The following SESN3 variants were observed in gnomAD, a reference collection of about 807,000 sequenced individuals.
SESN3 encodes sestrin 3, also known as sestrin-3.
In SESN3, 21 loss-of-function variants were observed where a neutral mutation model predicts 55.3. The observed-to-expected ratio is 0.38, with a 90% confidence interval of 0.27 to 0.55. The LOEUF is 0.55. Among genes scored for constraint, SESN3 ranks in the 20% least tolerant of loss-of-function variants. The probability of loss-of-function intolerance (pLI) is 0.76; values close to 1 mark genes in which losing one functional copy is unlikely to be tolerated. For missense variants in SESN3, 408 were observed against 604.3 expected (o/e 0.68, Z 3.41); for synonymous variants, 181 against 203.1 (o/e 0.89, Z 0.93).
chr11:95,197,430 G>A (rs1860380964), intron 1 of SESN3, among the ~76,000 whole-genome samples: 1 of 148,670 alleles, frequency 6.7e-6, no homozygotes, highest in South Asian at 2.1e-4. Flanking sequence ...TTCTTTTTGG[G>A]CTTCCTTTTC....
chr11:95,193,357 C>T (rs1267277176), intron 2 of SESN3, 100 bp downstream of exon 2: 2 of 737,616 alleles, frequency 2.7e-6, no homozygotes, highest in Non-Finnish European at 4.6e-6. Flanking sequence ...AACTCAAAAG[C>T]AAAATTCATT....
chr11:95,198,923 AT>A (rs1860413050), intron 1 of SESN3, among the ~76,000 whole-genome samples: 2 of 81,218 alleles, frequency 2.5e-5, no homozygotes, highest in Non-Finnish European at 6.2e-5. Context: ...CATAATAAAC[AT>A]GTACTAAAGT....
chr11:95,173,407 C>T, intron 9 of SESN3, 66 bp from the exon 10 acceptor site: 4 of 1,008,508 alleles, frequency 4.0e-6, no homozygotes, highest in Non-Finnish European at 6.2e-6. Context: ...ATTAGACATT[C>T]ACAAAGGTTT....
intron 1 of SESN3, among the ~76,000 whole-genome samples, chr11:95,212,837 A>G (rs1397274351): frequency 6.6e-6 from 1 of 152,134 alleles, no homozygotes; most frequent in Non-Finnish European, 1.5e-5. Flanking sequence ...ACCCATAGCT[A>G]CTTTGGATAT....
rs892577073 is a variant in SESN3, at chr11:95,166,657, G to C, written c.*6598C>G. ...GAAAGTTATTTTCAGGCTTAAAGGA[G>C]CTAATCCAAGTAGCAAGGCCATGTT... On this transcript the variant is annotated 3_prime_UTR_variant, in exon 10 of 10. Coordinates refer to ENST00000536441, the MANE Select transcript of SESN3 (RefSeq NM_144665.4). 2.0e-5 allele frequency: 3 copies of C among 152,190 alleles called. No homozygotes were observed. The highest frequency in any genetic ancestry group is 4.4e-5 in the Non-Finnish European group (3 of 68,042). The allele number at this position is 152,190 out of a possible 1,614,324, so 9.4% of individuals were successfully genotyped here. A position where few individuals can be genotyped will look rare whatever the true frequency, so the allele number is the denominator to read the frequency against.
At chr11:95,221,090 G>GTC (rs966735275) in intron 1 of SESN3, among the ~76,000 whole-genome samples, 4 of 152,108 alleles carry the variant, frequency 2.6e-5, no homozygotes, top group African/African-American at 9.7e-5. Context: ...ATCACTTGAG[G>GTC]TCAGGAGTTC....
At position 95,198,316 on chromosome 11, in the gene SESN3, A is replaced by C. The variant is rs143717432; in HGVS notation, c.79-4794T>G. ...ACAAAGCATAATATAAAATATTTTT[A>C]TTTTTCTTCTGCTTATTTTCCTCAA... On this transcript the variant is annotated intron_variant, in intron 1 of 9. Transcript: ENST00000536441. 6.8e-3 allele frequency among the ~76,000 whole-genome samples: 1,011 copies of C among 149,046 alleles called. 11 individuals are homozygous for C. Among genetic ancestry groups the C allele is most frequent in the African/African-American group, 0.024 (975 of 40,486 alleles).
At chr11:95,208,766 C>CACATCTACAACCATCTGATCTT (rs1216788970) in intron 1 of SESN3, among the ~76,000 whole-genome samples, 28 of 151,548 alleles carry the variant, frequency 1.8e-4, no homozygotes, top group African/African-American at 6.3e-4. Flanking sequence ...AATAACGCCA[C>CACATCTACAACCATCTGATCTT]ACATCTACAA....
At chr11:95,177,987 G>C (rs1003294099) in intron 7 of SESN3, 78 bp from the exon 8 acceptor site, 6 of 1,006,580 alleles carry the variant, frequency 6.0e-6, no homozygotes, top group Non-Finnish European at 8.7e-6. Flanking sequence ...TATAACTAAT[G>C]AAGCAAGTAA....
At chr11:95,176,643 C>T (rs544657297) in intron 8 of SESN3, among the ~76,000 whole-genome samples, 2 of 152,214 alleles carry the variant, frequency 1.3e-5, no homozygotes, top group East Asian at 3.9e-4. Flanking sequence ...TAATTTTTAA[C>T]CCATATAATG....
Position 95,170,639 on chromosome 11 carries a change from A to G in SESN3, c.*2616T>C, listed in dbSNP as rs1859831707. ...CCTGGAAAACCGCATCAGAATTTCA[A>G]GTTTGCATTGGATAAAGAGAGTTAA... On this transcript the variant is annotated 3_prime_UTR_variant, in exon 10 of 10. Coordinates refer to ENST00000536441, the MANE Select transcript of SESN3 (RefSeq NM_144665.4). 1.3e-5 allele frequency: 2 copies of G among 152,226 alleles called. No homozygotes were observed. Among genetic ancestry groups the G allele is most frequent in the African/African-American group, 2.4e-5 (1 of 41,468 alleles). 9.4% of individuals were successfully genotyped at this position (152,226 alleles called of 1,614,324 possible).
rs1859824377 is a variant in SESN3, at chr11:95,170,215, A to T, written c.*3040T>A. 1 of 152,210 alleles carries T rather than the reference A, an allele frequency of 6.6e-6. No individual in the cohort carries two copies. The highest frequency in any genetic ancestry group is 2.4e-5 in the African/African-American group (1 of 41,464). The allele number at this position is 152,210 out of a possible 1,614,324, so 9.4% of individuals were successfully genotyped here. On this transcript the variant is annotated 3_prime_UTR_variant, in exon 10 of 10. Coordinates refer to ENST00000536441, the MANE Select transcript of SESN3 (RefSeq NM_144665.4). ...GAGGCACCTGCCTGGCTACTCCCATAGTCAGGTGGGTTAAAGAACAGATTA... is the reference window on the plus strand; with the variant it reads ...GAGGCACCTGCCTGGCTACTCCCATTGTCAGGTGGGTTAAAGAACAGATTA...
rs761926549 is a variant in SESN3, at chr11:95,185,353, T to C, written c.665A>G (p.Asn222Ser). ...INPERDPEIS[N>S]GFRLISVNNF... is the part of the protein sequence containing the mutation. ...GTTGACTGATATTAGCCTGAATCCA[T>C]TGGAGATTTCTGGATCTCTCTCTGG... Residue 222 changes from asparagine (N) to serine (S), a missense_variant, in exon 5 of 10, where the codon AAT becomes AGT. Physicochemically the swap from Asn to Ser is conservative, Grantham distance 46. Coordinates refer to ENST00000536441, the MANE Select transcript of SESN3 (RefSeq NM_144665.4). 1.5e-5 allele frequency: 24 copies of C among 1,613,120 alleles called. No homozygotes were observed. The highest frequency in any genetic ancestry group is 4.5e-5 in the East Asian group (2 of 44,846).
intron 1 of SESN3, among the ~76,000 whole-genome samples, chr11:95,210,467 G>A (rs1477355064): frequency 2.0e-5 from 3 of 152,210 alleles, no homozygotes; most frequent in African/African-American, 7.2e-5. Context: ...GCAGAAGGAT[G>A]ATCTGAAATA....
At chr11:95,226,262 A>C (rs551083735) in intron 1 of SESN3, among the ~76,000 whole-genome samples, 6 of 152,184 alleles carry the variant, frequency 3.9e-5, no homozygotes, top group Non-Finnish European at 8.8e-5. Flanking sequence ...ACACACATCT[A>C]TCTCTCTCCA....
In SESN3 at chr11:95,178,698, GA is replaced by G; in HGVS notation, c.1056+11del. The G allele has an allele frequency of 6.8e-7, 1 of 1,480,810 alleles. No individual in the cohort carries two copies. The highest frequency in any genetic ancestry group is 1.4e-5 in the African/African-American group (1 of 72,380). 91.7% of individuals were successfully genotyped at this position (1,480,810 alleles called of 1,614,324 possible). On this transcript the variant is annotated intron_variant, in intron 7 of 9. Coordinates refer to ENST00000536441, the MANE Select transcript of SESN3 (RefSeq NM_144665.4). ...TATGTTCTAGTTTCTCTGAATTAAA[GA>G]CATATTATACCTGAGCTCGGAATGT...
intron 5 of SESN3, 130 bp from the exon 6 acceptor site, chr11:95,184,724 T>G (rs55974502): frequency 0.031 from 22,564 of 727,886 alleles, 457 homozygotes; most frequent in South Asian, 0.062. Context: ...AAGTCGGTTT[T>G]TCACCAATTT....
Position 95,206,239 on chromosome 11 carries a change from A to C in SESN3, c.79-12717T>G, listed in dbSNP as rs78580313. On this transcript the variant is annotated intron_variant, in intron 1 of 9. Coordinates refer to ENST00000536441, the MANE Select transcript of SESN3 (RefSeq NM_144665.4). ...CAAATCAGGTGCCCAATAAATGTTG[A>C]TTGATAACATACTATTTCTATATAT... 5.1e-3 allele frequency among the ~76,000 whole-genome samples: 776 copies of C among 152,204 alleles called. 30 individuals carry two copies. In the East Asian group the frequency reaches 0.1, roughly 20 times the overall value.
chr11:95,198,843 T>C (rs1860411118), intron 1 of SESN3, among the ~76,000 whole-genome samples: 1 of 152,158 alleles, frequency 6.6e-6, no homozygotes, highest in Non-Finnish European at 1.5e-5. Flanking sequence ...TAGTGTTGCT[T>C]TGTAATATTG....
Sources: allele counts gnomAD v4.1 joint callset (sites outside exome capture counted in the v4.1 genomes callset), GRCh38; gene constraint gnomAD v4.1.1; transcripts MANE v1.5; gene names NCBI Gene and HGNC (gene_info 2026-07-23, HGNC 2026-07-21).